The following CFAP61 variants were observed in gnomAD, a reference collection of about 807,000 sequenced individuals.
The protein encoded by CFAP61 is cilia and flagella associated protein 61.
A neutral mutation model predicts 135.6 loss-of-function variants in CFAP61; 107 were observed. The ratio of observed to expected loss-of-function variants is 0.79; its 90% CI spans 0.67 to 0.93. The LOEUF (loss-of-function observed/expected upper bound fraction) is 0.93, where lower values mean the gene tolerates loss of function less well. Ranked by LOEUF, CFAP61 falls within the 40% of genes least tolerant of loss-of-function variation. The pLI is 0.00. For missense variants in CFAP61, 1,507 were observed against 1,556.2 expected, an observed-to-expected ratio of 0.97 and a Z score of 0.53; for synonymous variants, 575 against 578.5, an observed-to-expected ratio of 0.99 and a Z score of 0.09.
intron 6 of CFAP61, among the ~76,000 whole-genome samples, chr20:20,086,500 T>C (rs2146604595): frequency 6.6e-6 from 1 of 152,132 alleles, no homozygotes; most frequent in Admixed American, 6.5e-5. Context: ...CATGAACTCA[T>C]CATTTTTTAT....
intron 8 of CFAP61, among the ~76,000 whole-genome samples, chr20:20,137,597 G>A (rs12329477): frequency 0.13 from 19,245 of 152,124 alleles, 1,393 homozygotes; most frequent in Non-Finnish European, 0.15. Context: ...GGGCTCTTCT[G>A]TCAGCTTGTG....
chr20:20,205,338 G>C (rs1218973557), intron 17 of CFAP61, among the ~76,000 whole-genome samples: 1 of 152,156 alleles, frequency 6.6e-6, no homozygotes, highest in Non-Finnish European at 1.5e-5. Flanking sequence ...AAGCAAACAG[G>C]CTTGCCAGGA....
intron 8 of CFAP61, among the ~76,000 whole-genome samples, chr20:20,138,920 T>G (rs1028299073): frequency 3.7e-4 from 56 of 152,242 alleles, no homozygotes; most frequent in Admixed American, 1.8e-3. Context: ...CTTGCCCCAG[T>G]AACTCTCTGT....
intron 25 of CFAP61, among the ~76,000 whole-genome samples, chr20:20,333,036 G>A (rs1396933173): frequency 6.6e-6 from 1 of 152,162 alleles, no homozygotes; most frequent in African/African-American, 2.4e-5. Context: ...CTTTCAAATG[G>A]AGGAAAAGCA....
chr20:20,128,131 G>A (rs966725005), intron 8 of CFAP61, among the ~76,000 whole-genome samples: 1 of 151,728 alleles, frequency 6.6e-6, no homozygotes, highest in African/African-American at 2.4e-5. Context: ...AAAGAAAAGG[G>A]CTTGGTTCTT....
intron 2 of CFAP61, among the ~76,000 whole-genome samples, chr20:20,066,729 C>T (rs988762424): frequency 6.6e-6 from 1 of 151,980 alleles, no homozygotes; most frequent in Non-Finnish European, 1.5e-5. Context: ...ATGTAGATGA[C>T]GGGTTGATGG....
At position 20,298,285 on chromosome 20, in the gene CFAP61, C is replaced by T. The variant is rs780373574; in HGVS notation, c.3321C>T (p.Pro1107=). ...VETITCLSRE[P]FPASNYIRLF... ...CCATCACGTGCCTTTCTAGGGAGCC[C>T]TTCCCCGCCTCCAACTACATCCGCT... is the stretch of plus-strand genomic sequence containing the variant. The change falls in exon 25 of 27, where the codon CCC becomes CCT. Residue 1107 remains proline, a synonymous_variant. Transcript: ENST00000245957. The T allele has an allele frequency of 1.2e-6, 2 of 1,613,962 alleles. No homozygotes were observed. Among genetic ancestry groups the T allele is most frequent in the East Asian group, 4.5e-5 (2 of 44,886 alleles).
At position 20,196,751 on chromosome 20, in the gene CFAP61, T is replaced by C; in HGVS notation, c.1772T>C (p.Val591Ala). 6.2e-7 allele frequency: 1 copy of C among 1,614,210 alleles called. No individual in the cohort carries two copies. The highest frequency in any genetic ancestry group is 1.1e-5 in the South Asian group (1 of 91,078). ...LGFKSCLYYR[V>A]YPKSREGKFQ... ...TTTAAATCCTGTCTCTACTACCGTG[T>C]TTACCCAAAATCCAGAGAAGGCAAG... The change falls in exon 16 of 27, where the codon GTT becomes GCT. Residue 591 changes from valine to alanine, a missense_variant. Physicochemically the swap from Val to Ala is moderately conservative, Grantham distance 64 (BLOSUM62 0). Transcript: ENST00000245957.
At chr20:20,058,330 T>C (rs1456762057) in intron 2 of CFAP61, among the ~76,000 whole-genome samples, 2 of 152,256 alleles carry the variant, frequency 1.3e-5, no homozygotes, top group East Asian at 3.8e-4. Context: ...ACTAAAATAC[T>C]GATACACACA....
intron 8 of CFAP61, among the ~76,000 whole-genome samples, chr20:20,126,300 TG>T (rs763653765): frequency 6.6e-6 from 1 of 151,942 alleles, no homozygotes; most frequent in Non-Finnish European, 1.5e-5. Flanking sequence ...CATGTATTTT[TG>T]TATAGGTCCT....
At chr20:20,105,717 C>T (rs190735396) in intron 8 of CFAP61, among the ~76,000 whole-genome samples, 1,909 of 151,886 alleles carry the variant, frequency 0.013, 49 homozygotes, top group African/African-American at 0.043. Flanking sequence ...CTGAAAGCTC[C>T]GCCTCCCAGG....
rs544052152 is a variant in CFAP61, at chr20:20,192,457, A to C, written c.1590+1038A>C. 8.7e-4 allele frequency among the ~76,000 whole-genome samples: 132 copies of C among 152,172 alleles called. 1 individual carries two copies. The highest frequency in any genetic ancestry group is 3.0e-3 in the African/African-American group (125 of 41,460). On this transcript the variant is annotated intron_variant, in intron 15 of 26. Coordinates refer to ENST00000245957, the MANE Select transcript of CFAP61 (RefSeq NM_015585.4). ...AGCCCTGACAGAAGGAGGAGGGGTC[A>C]GTGATGTCAGGTGCCTCAGCAGGCT...
intron 24 of CFAP61, among the ~76,000 whole-genome samples, chr20:20,296,230 T>C (rs1355866269): frequency 1.0e-5 from 1 of 97,840 alleles, no homozygotes; most frequent in Non-Finnish European, 2.1e-5. Context: ...CCTTCCTTCC[T>C]TTCTTCCTTC....
intron 8 of CFAP61, among the ~76,000 whole-genome samples, chr20:20,121,023 T>C (rs536635642): frequency 1.3e-5 from 2 of 152,182 alleles, no homozygotes; most frequent in African/African-American, 4.8e-5. Context: ...TCTTAATAGG[T>C]GAAATAGGTT....
intron 11 of CFAP61, among the ~76,000 whole-genome samples, chr20:20,166,042 C>T (rs2053804613): frequency 6.6e-6 from 1 of 152,176 alleles, no homozygotes; most frequent in Admixed American, 6.5e-5. Flanking sequence ...AAATCTTCAA[C>T]AGATAAAAGG....
intron 8 of CFAP61, among the ~76,000 whole-genome samples, chr20:20,111,381 C>T (rs2048792716): frequency 6.6e-6 from 1 of 152,048 alleles, no homozygotes; most frequent in Non-Finnish European, 1.5e-5. Context: ...TCTCAAGGTC[C>T]CCCAAATATC....
chr20:20,355,041 G>GAGGGGGTCACACTGTGAGAGGGA (rs1602163503), intron 26 of CFAP61, among the ~76,000 whole-genome samples: 9 of 78,390 alleles, frequency 1.1e-4, no homozygotes, highest in Admixed American at 2.9e-4. Context: ...ACACTGAGGG[G>GAGGGGGTCACACTGTGAGAGGGA]AGGTGGTCAC....
intron 8 of CFAP61, among the ~76,000 whole-genome samples, chr20:20,105,832 G>T (rs1293877281): frequency 6.7e-6 from 1 of 149,432 alleles, no homozygotes; most frequent in Non-Finnish European, 1.5e-5. Context: ...GTAGAGATGG[G>T]GTTTCACTGT....
chr20:20,346,404 G>A lies in CFAP61; in HGVS notation c.3513+4483G>A, dbSNP rs547718597. Reference sequence around the variant, plus strand: ...ATGGTGGTGGGCGGCTGTAGTCCCAGCTACCCGGGAGGCTGAGGTAGGAGA... The same window carrying A: ...ATGGTGGTGGGCGGCTGTAGTCCCAACTACCCGGGAGGCTGAGGTAGGAGA... On this transcript the variant is annotated intron_variant, in intron 26 of 26. Transcript: ENST00000245957. 6.6e-5 allele frequency among the ~76,000 whole-genome samples: 10 copies of A among 150,974 alleles called. No homozygotes were observed. The East Asian group carries it at 2.0e-3, about 30-fold the overall frequency.
Sources: allele counts gnomAD v4.1 joint callset (sites outside exome capture counted in the v4.1 genomes callset), GRCh38; gene constraint gnomAD v4.1.1; transcripts MANE v1.5; gene names NCBI Gene and HGNC (gene_info 2026-07-23, HGNC 2026-07-21).